The following NME8 variants were observed in gnomAD, a reference collection of about 807,000 sequenced individuals.
The protein encoded by NME8 is protein NME8.
NME8 carries 72 observed loss-of-function variants against 82.3 expected under a neutral mutation model. The ratio of observed to expected loss-of-function variants is 0.87; its 90% CI spans 0.72 to 1.06. The LOEUF (loss-of-function observed/expected upper bound fraction) is 1.06. Among genes scored for constraint, NME8 ranks in the 50% least tolerant of loss-of-function variants. The pLI, the probability that NME8 is intolerant of heterozygous loss-of-function variation, is 0.00. For missense variants in NME8, 712 were observed against 685.4 expected, an observed-to-expected ratio of 1.04 and a Z score of -0.43; for synonymous variants, 267 against 228.5, an observed-to-expected ratio of 1.17 and a Z score of -1.52.
In NME8 at chr7:37,876,998, GAAAGGAA is replaced by G. The variant is rs1784864142; in HGVS notation, c.987_993del (p.Arg330MetfsTer20). The G allele has an allele frequency of 6.2e-7, 1 of 1,611,718 alleles. No homozygotes were observed. The highest frequency in any genetic ancestry group is 1.1e-5 in the South Asian group (1 of 91,008). ...ATTACTTCGACCAAATCTCTTTCAT[GAAAGGAA>G]AGGTAGGGAATCAAGCATAAATTGT... On this transcript the variant is annotated frameshift_variant and splice_region_variant, in exon 12 of 18. Coordinates refer to ENST00000199447, the MANE Select transcript of NME8 (RefSeq NM_016616.5). LOFTEE classifies it high-confidence loss of function.
At chr7:37,893,394 T>C (rs1440348593) in intron 15 of NME8, among the ~76,000 whole-genome samples, 1 of 152,166 alleles carries the variant, frequency 6.6e-6, no homozygotes, top group East Asian at 1.9e-4. Context: ...CTTTAAATGT[T>C]CCTTGTTGTT....
At chr7:37,861,585 T>C (rs1784597382) in intron 6 of NME8, among the ~76,000 whole-genome samples, 1 of 152,220 alleles carries the variant, frequency 6.6e-6, no homozygotes. Flanking sequence ...AGATCCATTA[T>C]TTTATACCAT....
At chr7:37,853,835 T>C (rs1175509310) in intron 5 of NME8, among the ~76,000 whole-genome samples, 1 of 151,984 alleles carries the variant, frequency 6.6e-6, no homozygotes, top group Non-Finnish European at 1.5e-5. Flanking sequence ...TTCTGCTGTG[T>C]GCCTTTTTAA....
intron 6 of NME8, among the ~76,000 whole-genome samples, chr7:37,859,735 C>T (rs533388026): frequency 6.6e-6 from 1 of 152,290 alleles, no homozygotes; most frequent in East Asian, 1.9e-4. Context: ...GTCCTGCCAT[C>T]ACCTTGAGGA....
chr7:37,887,693 C>T (rs1785065763), intron 14 of NME8, among the ~76,000 whole-genome samples: 2 of 152,082 alleles, frequency 1.3e-5, no homozygotes, highest in South Asian at 4.1e-4. Flanking sequence ...ATATCCGAGA[C>T]TGGGTAATTT....
At chr7:37,863,491 A>G in intron 8 of NME8, 29 bp downstream of exon 8, 1 of 1,384,704 alleles carries the variant, frequency 7.2e-7, no homozygotes, top group Non-Finnish European at 1.0e-6. Flanking sequence ...AAGTAATCCA[A>G]GGGTTTTCTG....
chr7:37,862,682 A>G (rs1784614807), intron 7 of NME8, among the ~76,000 whole-genome samples: 1 of 152,198 alleles, frequency 6.6e-6, no homozygotes, highest in African/African-American at 2.4e-5. Flanking sequence ...TTTTGTTCCA[A>G]ATTTGCTGAG....
chr7:37,888,099 C>G (rs139152869), intron 14 of NME8, among the ~76,000 whole-genome samples, 178 bp from the exon 15 acceptor site: 1 of 152,082 alleles, frequency 6.6e-6, no homozygotes, highest in African/African-American at 2.4e-5. Flanking sequence ...TCCTAATGAC[C>G]GTTATCCTTG....
intron 11 of NME8, among the ~76,000 whole-genome samples, chr7:37,870,443 G>T (rs1030816914): frequency 6.6e-6 from 1 of 151,876 alleles, no homozygotes; most frequent in Non-Finnish European, 1.5e-5. Flanking sequence ...ACAAAAATTA[G>T]CTGGGTGTGG....
rs145300803 is a variant in NME8, at chr7:37,861,713, A to G, written c.271-315A>G. 2.4e-3 allele frequency among the ~76,000 whole-genome samples: 368 copies of G among 152,306 alleles called. 3 individuals are homozygous for G. The highest frequency in any genetic ancestry group is 8.5e-3 in the African/African-American group (355 of 41,568). On this transcript the variant is annotated intron_variant, in intron 6 of 17. Coordinates refer to ENST00000199447, the MANE Select transcript of NME8 (RefSeq NM_016616.5). ...GAGGATGTCATTGGGAGGCCTATCC[A>G]GAATTGTTCAACTTTAAAGCAAGGA... is the stretch of plus-strand genomic sequence containing the variant.
chr7:37,869,479 C>T (rs1784737712), intron 11 of NME8, among the ~76,000 whole-genome samples: 1 of 152,096 alleles, frequency 6.6e-6, no homozygotes, highest in African/African-American at 2.4e-5. Context: ...TTCCATGGGG[C>T]TATTGTTTAG....
intron 11 of NME8, among the ~76,000 whole-genome samples, chr7:37,869,580 A>G (rs1784738992): frequency 6.6e-6 from 1 of 152,194 alleles, no homozygotes; most frequent in South Asian, 2.1e-4. Flanking sequence ...GTTAATTGGC[A>G]TGTCAGAAGG....
intron 6 of NME8, among the ~76,000 whole-genome samples, chr7:37,861,084 C>T (rs370031877): frequency 6.6e-6 from 1 of 152,108 alleles, no homozygotes; most frequent in African/African-American, 2.4e-5. Context: ...TCTTTTGCTC[C>T]CCCCAGCATT....
chr7:37,887,415 A>T lies in NME8; in HGVS notation c.1248-862A>T, dbSNP rs554716248. Among the ~76,000 whole-genome samples, 23 of 152,328 alleles carry T rather than the reference A, an allele frequency of 1.5e-4. 1 individual carries two copies. The South Asian group carries it at 4.6e-3, about 30-fold the overall frequency. On this transcript the variant is annotated intron_variant, in intron 14 of 17. Coordinates refer to ENST00000199447, the MANE Select transcript of NME8 (RefSeq NM_016616.5). ...ATGCTTGATAATGTGAAGCATTATC[A>T]CATGGTGAAAGCCACAGAAGAAAAT...
intron 11 of NME8, among the ~76,000 whole-genome samples, chr7:37,868,276 G>A (rs1490352597): frequency 6.6e-6 from 1 of 152,168 alleles, no homozygotes; most frequent in African/African-American, 2.4e-5. Context: ...TAAAGCTGGA[G>A]CTTAAGGGTA....
At chr7:37,884,482 A>G (rs777407990) in intron 13 of NME8, 35 bp downstream of exon 13, 2 of 1,584,586 alleles carry the variant, frequency 1.3e-6, no homozygotes, top group South Asian at 1.1e-5. Context: ...AGTCTGATTT[A>G]TTTTTGAATC....
At chr7:37,851,716 A>AT (rs1784441240) in intron 5 of NME8, among the ~76,000 whole-genome samples, 1 of 152,076 alleles carries the variant, frequency 6.6e-6, no homozygotes, top group Non-Finnish European at 1.5e-5. Flanking sequence ...TGTGGCTTAT[A>AT]TAATATATTT....
intron 12 of NME8, 93 bp downstream of exon 12, chr7:37,877,100 A>T: frequency 9.2e-7 from 1 of 1,092,244 alleles, no homozygotes; most frequent in Non-Finnish European, 1.4e-6. Flanking sequence ...TTGTTTTAAA[A>T]TTTAACATTG....
chr7:37,889,409 G>T (rs1051796111), intron 15 of NME8, among the ~76,000 whole-genome samples: 6 of 149,890 alleles, frequency 4.0e-5, no homozygotes, highest in African/African-American at 1.5e-4. Flanking sequence ...TTTTTCTTAT[G>T]TTCTTCTAGC....
Sources: allele counts gnomAD v4.1 joint callset (sites outside exome capture counted in the v4.1 genomes callset), GRCh38; gene constraint gnomAD v4.1.1; transcripts MANE v1.5; gene names NCBI Gene and HGNC (gene_info 2026-07-23, HGNC 2026-07-21).